Variants in PHACTR2 observed in about 807,000 individuals in gnomAD.
PHACTR2 encodes phosphatase and actin regulator 2, also known as chromosome 6 open reading frame 56.
In PHACTR2, 30 loss-of-function variants were observed where a neutral mutation model predicts 76.0. That is an observed-to-expected ratio of 0.39 (90% CI 0.30 to 0.54). The LOEUF (loss-of-function observed/expected upper bound fraction) is 0.54. Among genes scored for constraint, PHACTR2 ranks in the 20% least tolerant of loss-of-function variants. PHACTR2 has a pLI of 0.61. For synonymous variants in PHACTR2, 292 were observed against 292.5 expected (o/e 1.00, Z 0.02); for missense variants, 696 against 781.1 (o/e 0.89, Z 1.30).
At position 143,597,458 on chromosome 6, in the gene PHACTR2, C is replaced by T. The variant is rs1775767069; in HGVS notation, c.217+60251C>T. Among the ~76,000 whole-genome samples, 1 of 152,058 alleles carries T rather than the reference C, an allele frequency of 6.6e-6. No homozygotes were observed. Among genetic ancestry groups the T allele is most frequent in the South Asian group, 2.1e-4 (1 of 4,824 alleles). ...ACCATCCTAAAAATAAAGTGAAATC[C>T]CTACTCTCTACAACCCACATGCCAA... On this transcript the variant is annotated intron_variant, in intron 1 of 11. Coordinates refer to the PHACTR2 transcript ENST00000367584. This position sits in a 1 kb window ranked among gnomAD's most constrained non-coding sequence, Gnocchi z 5.7.
At chr6:143,703,920 CA>C (rs575632856) in intron 1 of PHACTR2, among the ~76,000 whole-genome samples, 1,613 of 152,230 alleles carry the variant, frequency 0.011, 10 homozygotes, top group Non-Finnish European at 0.016. Flanking sequence ...TTCACATGTT[CA>C]AGGACATGAC....
Position 143,596,222 on chromosome 6 carries a change from A to C in PHACTR2, c.217+59015A>C, listed in dbSNP as rs1775753142. 6.6e-6 allele frequency among the ~76,000 whole-genome samples: 1 copy of C among 152,178 alleles called. No homozygotes were observed. Among genetic ancestry groups the C allele is most frequent in the Non-Finnish European group, 1.5e-5 (1 of 68,026 alleles). On this transcript the variant is annotated intron_variant, in intron 1 of 11. Coordinates refer to the PHACTR2 transcript ENST00000367584. This position sits in a 1 kb window ranked among gnomAD's most constrained non-coding sequence, Gnocchi z 4.6. ...GAAAAATACTTTTGTTGTCCCCAGC[A>C]AGCCAGATCTGTGAGTCCCTTTATT...
chr6:143,646,200 T>G lies in PHACTR2; in HGVS notation c.13+37878T>G, dbSNP rs575248589. Among the ~76,000 whole-genome samples, 32 of 152,292 alleles carry G rather than the reference T, an allele frequency of 2.1e-4. No individual in the cohort carries two copies. The highest frequency in any genetic ancestry group is 6.5e-4 in the African/African-American group (27 of 41,574). The stretch of plus-strand genomic sequence containing the variant: ...AAGAGAGGTATAAATTAGGCTCAAA[T>G]GGGGCCCACAAAGAGCCCCAAATCT... On this transcript the variant is annotated intron_variant, in intron 1 of 11. Coordinates refer to the PHACTR2 transcript ENST00000305766. The surrounding 1 kb of genome is among the most constrained non-coding windows in gnomAD (Gnocchi z 4.1).
intron 1 of PHACTR2, among the ~76,000 whole-genome samples, chr6:143,563,724 G>A (rs764295159): frequency 5.3e-5 from 8 of 151,898 alleles, no homozygotes; most frequent in South Asian, 2.1e-4. Context: ...GGCTGCGCAC[G>A]GTGGCTCATG....
chr6:143,765,685 C>G lies in PHACTR2; in HGVS notation c.1119C>G (p.Asp373Glu), dbSNP rs369079255. The G allele has an allele frequency of 6.2e-7, 1 of 1,614,196 alleles. No homozygotes were observed. The highest frequency in any genetic ancestry group is 8.5e-7 in the Non-Finnish European group (1 of 1,180,030). ...TPVVLVSVGA[D>E]LPVSALDPSQ... ...TTGTCCTCGTCAGCGTTGGAGCTGA[C>G]CTGCCCGTCTCTGCCTTAGACCCAA... is the stretch of plus-strand genomic sequence containing the variant. Residue 373 changes from aspartate (D) to glutamate (E), a missense_variant, in exon 6 of 13, where the codon GAC (aspartate) becomes GAG (glutamate). Coordinates refer to ENST00000440869, the MANE Select transcript of PHACTR2 (RefSeq NM_001100164.2). The surrounding 1 kb of genome is among the most constrained non-coding windows in gnomAD (Gnocchi z 4.1).
chr6:143,789,058 G>C lies in PHACTR2; in HGVS notation c.1845+148G>C. 1 of 617,968 alleles carries C rather than the reference G, an allele frequency of 1.6e-6. No individual in the cohort carries two copies. Among genetic ancestry groups the C allele is most frequent in the Non-Finnish European group, 2.8e-6 (1 of 359,126 alleles). The allele number at this position is 617,968 out of a possible 1,614,324, so 38.3% of individuals were successfully genotyped here. On this transcript the variant is annotated intron_variant, in intron 11 of 12. Coordinates refer to ENST00000440869, the MANE Select transcript of PHACTR2 (RefSeq NM_001100164.2). The surrounding 1 kb of genome is among the most constrained non-coding windows in gnomAD (Gnocchi z 5.1). ...GCCTCTGATTATTTAAGCCACTTAA[G>C]TGATACATTTAGTGATATCAATGTA...
At chr6:143,785,501 T>C (rs1433877415) in intron 10 of PHACTR2, among the ~76,000 whole-genome samples, 2 of 152,194 alleles carry the variant, frequency 1.3e-5, no homozygotes, top group African/African-American at 4.8e-5. Flanking sequence ...ATGCTGTTGG[T>C]GGATCTACCA....
chr6:143,682,099 CA>C, intron 1 of PHACTR2, among the ~76,000 whole-genome samples: 1 of 152,110 alleles, frequency 6.6e-6, no homozygotes, highest in Non-Finnish European at 1.5e-5. Flanking sequence ...TCAATTTCTG[CA>C]AAAAAGCCAA....
chr6:143,745,129 C>G (rs935668737), intron 2 of PHACTR2, among the ~76,000 whole-genome samples: 6 of 152,162 alleles, frequency 3.9e-5, no homozygotes, highest in Non-Finnish European at 8.8e-5. Context: ...TGTGCTGTAG[C>G]TGTGGTGCAT....
At chr6:143,693,018 C>T (rs1777681881) in intron 1 of PHACTR2, among the ~76,000 whole-genome samples, 1 of 152,172 alleles carries the variant, frequency 6.6e-6, no homozygotes, top group African/African-American at 2.4e-5. Flanking sequence ...TATGGTCCAT[C>T]CTCTGTGCCC....
chr6:143,547,504 T>TG lies in PHACTR2; in HGVS notation c.217+10299dup, dbSNP rs1434747983. Among the ~76,000 whole-genome samples the TG allele has an allele frequency of 6.6e-6, 1 of 152,174 alleles. No homozygotes were observed. The highest frequency in any genetic ancestry group is 2.4e-5 in the African/African-American group (1 of 41,430). On this transcript the variant is annotated intron_variant, in intron 1 of 11. Coordinates refer to the PHACTR2 transcript ENST00000367584. The surrounding 1 kb of genome is among the most constrained non-coding windows in gnomAD (Gnocchi z 4.2). ...ATATGTGCTAACCAAGCAGATCAGT[T>TG]GGAACTGTTAACACAGTGACTGTGA... is the stretch of plus-strand genomic sequence containing the variant.
intron 2 of PHACTR2, among the ~76,000 whole-genome samples, chr6:143,737,483 T>C (rs922425713): frequency 6.6e-6 from 1 of 152,052 alleles, no homozygotes; most frequent in South Asian, 2.1e-4. Flanking sequence ...ATATAGTATG[T>C]ATTAAGATAA....
rs1441297556 is a variant in PHACTR2, at chr6:143,595,524, A to G, written c.217+58317A>G. On this transcript the variant is annotated intron_variant, in intron 1 of 11. Transcript: ENST00000367584. This position sits in a 1 kb window ranked among gnomAD's most constrained non-coding sequence, Gnocchi z 4.2. Reference sequence around the variant, plus strand: ...ATGACTGATGAGCTAACATATTTTTAATTCAGACTTTCACAGAGCAAGCTA... The same window carrying G: ...ATGACTGATGAGCTAACATATTTTTGATTCAGACTTTCACAGAGCAAGCTA... Among the ~76,000 whole-genome samples, 1 of 152,218 alleles carries G rather than the reference A, an allele frequency of 6.6e-6. No homozygotes were observed. Among genetic ancestry groups the G allele is most frequent in the East Asian group, 1.9e-4 (1 of 5,194 alleles).
At chr6:143,720,220 T>G (rs1778408217) in intron 2 of PHACTR2, among the ~76,000 whole-genome samples, 2 of 152,288 alleles carry the variant, frequency 1.3e-5, no homozygotes, top group South Asian at 4.1e-4. Flanking sequence ...AGGGATACTC[T>G]CATAGATTTT....
chr6:143,677,215 T>C (rs73577961), upstream of PHACTR2, among the ~76,000 whole-genome samples: 4,710 of 152,122 alleles, frequency 0.031, 221 homozygotes, highest in African/African-American at 0.11. Context: ...TATATATATA[T>C]ACACACATTA....
rs1775231791 is a variant in PHACTR2 at position 143,774,593 on chromosome 6, T to G, written c.1589+378T>G. On this transcript the variant is annotated intron_variant, in intron 8 of 12. Transcript: ENST00000440869. The surrounding 1 kb of genome is among the most constrained non-coding windows in gnomAD (Gnocchi z 5.4). ...CCATGTTCCAATAAAACTTTATTTATTCATAAAGCTGGATTTGGCCTGCAG... is the reference window on the plus strand; with the variant it reads ...CCATGTTCCAATAAAACTTTATTTAGTCATAAAGCTGGATTTGGCCTGCAG... Among the ~76,000 whole-genome samples the G allele has an allele frequency of 6.6e-6, 1 of 152,204 alleles. No homozygotes were observed.
At position 143,608,190 on chromosome 6, in the gene PHACTR2, G is replaced by T; in HGVS notation, c.-120G>T. 1 of 979,220 alleles carries T rather than the reference G, an allele frequency of 1.0e-6. No individual in the cohort carries two copies. The allele number at this position is 979,220 out of a possible 1,614,324, so 60.7% of individuals were successfully genotyped here. A position where few individuals can be genotyped will look rare whatever the true frequency, so the allele number is the denominator to read the frequency against. Reference sequence around the variant, plus strand: ...GTGTCTCCTGCAGACAGTGCATGAAGTATGCTCAGTGTGCCAGCAAGGGCT... The same window carrying T: ...GTGTCTCCTGCAGACAGTGCATGAATTATGCTCAGTGTGCCAGCAAGGGCT... On this transcript the variant is annotated 5_prime_UTR_variant, in exon 1 of 12. Transcript: ENST00000305766. This position sits in a 1 kb window ranked among gnomAD's most constrained non-coding sequence, Gnocchi z 4.6.
In PHACTR2 at chr6:143,554,076, G is replaced by T. The variant is rs1400851600; in HGVS notation, c.217+16869G>T. Reference sequence around the variant, plus strand: ...AGTGGCGGGGGCGCTGGGCAGAGGGGCATCATGTTTTTTGATACAAATGTA... The same window carrying T: ...AGTGGCGGGGGCGCTGGGCAGAGGGTCATCATGTTTTTTGATACAAATGTA... On this transcript the variant is annotated intron_variant, in intron 1 of 11. Transcript: ENST00000367584. The surrounding 1 kb of genome is among the most constrained non-coding windows in gnomAD (Gnocchi z 5.9). Among the ~76,000 whole-genome samples the T allele has an allele frequency of 6.6e-6, 1 of 152,076 alleles. No homozygotes were observed. The highest frequency in any genetic ancestry group is 1.5e-5 in the Non-Finnish European group (1 of 68,016).
In PHACTR2 at chr6:143,742,849, T is replaced by C. The variant is rs139582655; in HGVS notation, c.215-6136T>C. 1.6e-4 allele frequency among the ~76,000 whole-genome samples: 24 copies of C among 152,368 alleles called. No homozygotes were observed. In the East Asian group the frequency reaches 4.6e-3, roughly 29 times the overall value. On this transcript the variant is annotated intron_variant, in intron 2 of 12. Transcript: ENST00000440869. The surrounding 1 kb of genome is among the most constrained non-coding windows in gnomAD (Gnocchi z 4.5). The stretch of plus-strand genomic sequence containing the variant: ...AAGGCTTAGACTAGAATCATGTGAT[T>C]ATGCAATCGCATACACATGAATTTA...
Sources: gnomAD v4.1 joint callset for allele counts (sites outside exome capture counted in the v4.1 genomes callset) on GRCh38, gnomAD v4.1.1 for gene constraint, Gnocchi (gnomAD v3.1) non-coding constraint, MANE v1.5 for transcripts, NCBI Gene and HGNC (gene_info 2026-07-23, HGNC 2026-07-21) for gene names.